The following AXDND1 variants were observed in gnomAD, a reference collection of about 807,000 sequenced individuals.
The protein encoded by AXDND1 is axonemal dynein light chain domain-containing protein 1.
AXDND1 carries 110 observed loss-of-function variants against 137.5 expected under a neutral mutation model. That is an observed-to-expected ratio of 0.80 (90% confidence interval 0.69 to 0.94). AXDND1 has a LOEUF of 0.94. AXDND1 is among the 40% of genes least tolerant of loss of function. The pLI is 0.00. For missense variants in AXDND1, 1,191 were observed against 1,169.8 expected (o/e 1.02, Z -0.26); for synonymous variants, 414 against 399.7 (o/e 1.04, Z -0.43).
intron 12 of AXDND1, among the ~76,000 whole-genome samples, chr1:179,427,658 T>G (rs6425546): frequency 0.87 from 132,930 of 152,172 alleles, 58,165 homozygotes; most frequent in East Asian, 0.9. Flanking sequence ...TAAAAAAGAA[T>G]CAGCAATTAT....
intron 16 of AXDND1, chr1:179,448,390 T>C: frequency 1.6e-6 from 1 of 635,132 alleles, no homozygotes; most frequent in East Asian, 3.0e-5. Context: ...AAGTGGCCTC[T>C]CAGTTCCTTT....
intron 25 of AXDND1, chr1:179,544,375 T>C (rs1390007517): frequency 6.6e-6 from 1 of 152,094 alleles, no homozygotes; most frequent in African/African-American, 2.4e-5. Flanking sequence ...GTTTTTCAAT[T>C]TAAAAGAGAA....
chr1:179,522,056 A>G (rs1036107399), intron 21 of AXDND1, among the ~76,000 whole-genome samples: 78 of 152,098 alleles, frequency 5.1e-4, no homozygotes, highest in Middle Eastern at 3.4e-3. Context: ...GATCTGGAAA[A>G]TTCTCAGTCA....
intron 12 of AXDND1, among the ~76,000 whole-genome samples, chr1:179,421,965 G>A (rs549485116): frequency 3.3e-5 from 5 of 151,294 alleles, no homozygotes; most frequent in East Asian, 2.0e-4. Flanking sequence ...TCTTGAATCC[G>A]GGAGGCAGAG....
intron 12 of AXDND1, among the ~76,000 whole-genome samples, chr1:179,428,612 T>A (rs928170625): frequency 6.6e-6 from 1 of 152,260 alleles, no homozygotes; most frequent in Non-Finnish European, 1.5e-5. Context: ...ACTAAAATGT[T>A]GTTTGCCTTT....
chr1:179,529,676 T>C lies in AXDND1; in HGVS notation c.2715+1245T>C, dbSNP rs1403201816. 2.0e-5 allele frequency among the ~76,000 whole-genome samples: 3 copies of C among 152,148 alleles called. No homozygotes were observed. The East Asian group carries it at 5.8e-4, about 29-fold the overall frequency. On this transcript the variant is annotated intron_variant, in intron 23 of 25. Transcript: ENST00000367618. The stretch of plus-strand genomic sequence containing the variant: ...AATAAAGATGTTTCTTTTCAGACTT[T>C]GAAAGGCATCAGACTCTCAATCTCT...
chr1:179,554,319 G>T (rs772651090), intron 25 of AXDND1, among the ~76,000 whole-genome samples, 193 bp from the exon 26 acceptor site: 2 of 152,136 alleles, frequency 1.3e-5, no homozygotes, highest in Non-Finnish European at 2.9e-5. Context: ...TTGTGTTATG[G>T]CTGTAAGATA....
Position 179,423,958 on chromosome 1 carries a change from G to GT in AXDND1, c.1231-5551dup, listed in dbSNP as rs1038851577. Among the ~76,000 whole-genome samples, 64 of 151,024 alleles carry GT rather than the reference G, an allele frequency of 4.2e-4. 1 individual carries two copies. In the South Asian group the frequency reaches 0.01, roughly 24 times the overall value. On this transcript the variant is annotated intron_variant, in intron 12 of 25. Transcript: ENST00000367618. Reference sequence around the variant, plus strand: ...TACCAGTGGGTTTTATAGCTTCAAAGTTTTTTTTTACATGTTGGTGTTTTT... The same window carrying GT: ...TACCAGTGGGTTTTATAGCTTCAAAGTTTTTTTTTTACATGTTGGTGTTTTT...
chr1:179,390,240 C>G (rs1649937905), intron 9 of AXDND1, among the ~76,000 whole-genome samples: 3 of 152,166 alleles, frequency 2.0e-5, no homozygotes, highest in African/African-American at 7.2e-5. Context: ...TCTTGAACTC[C>G]TGGCCTCAAG....
chr1:179,391,998 C>A (rs1454615761), intron 9 of AXDND1, among the ~76,000 whole-genome samples: 5 of 152,162 alleles, frequency 3.3e-5, no homozygotes, highest in Admixed American at 1.3e-4. Flanking sequence ...TCAATTAAAT[C>A]TCTTTCCTTT....
rs1171223573 is a variant in AXDND1 at position 179,434,077 on chromosome 1, A to G, written c.1563+1735A>G. ...CATATTTAGGATAGTTAGCTCTTTC[A>G]TTGAATTGATCCCTTTACCATTATG... On this transcript the variant is annotated intron_variant, in intron 15 of 25. Transcript: ENST00000367618. 3.3e-5 allele frequency among the ~76,000 whole-genome samples: 5 copies of G among 152,084 alleles called. No homozygotes were observed. In the East Asian group the frequency reaches 9.6e-4, roughly 29 times the overall value.
At chr1:179,398,262 C>T (rs919225542) in intron 11 of AXDND1, among the ~76,000 whole-genome samples, 5 of 152,156 alleles carry the variant, frequency 3.3e-5, no homozygotes, top group East Asian at 3.9e-4. Context: ...AGGGGGCCAA[C>T]GCTCAGCTTC....
chr1:179,465,749 TTGAGC>T (rs1403157234), intron 16 of AXDND1, among the ~76,000 whole-genome samples: 7 of 152,220 alleles, frequency 4.6e-5, no homozygotes. Flanking sequence ...GTGGGCCTCC[TTGAGC>T]TGTGGTGGGC....
chr1:179,450,302 T>C (rs7527516), intron 16 of AXDND1: 116,788 of 152,128 alleles, frequency 0.77, 45,139 homozygotes, highest in South Asian at 0.83. Flanking sequence ...GCGTGAGCCA[T>C]GGTGGCCTGG....
At chr1:179,371,706 A>G (rs1668056018) in intron 4 of AXDND1, among the ~76,000 whole-genome samples, 1 of 152,164 alleles carries the variant, frequency 6.6e-6, no homozygotes, top group South Asian at 2.1e-4. Flanking sequence ...AAGGCAGTCA[A>G]GTGGGTCAGA....
intron 18 of AXDND1, among the ~76,000 whole-genome samples, chr1:179,487,832 C>CA (rs1376869886): frequency 1.4e-5 from 2 of 147,372 alleles, no homozygotes; most frequent in Admixed American, 1.3e-4. Flanking sequence ...CTCATCTCTA[C>CA]AAAAAATAAA....
At chr1:179,392,706 C>T (rs1397658036) in intron 9 of AXDND1, among the ~76,000 whole-genome samples, 2 of 152,102 alleles carry the variant, frequency 1.3e-5, no homozygotes, top group Non-Finnish European at 2.9e-5. Flanking sequence ...TTTTAAATTG[C>T]ATTTTCTTGA....
In AXDND1 at chr1:179,445,158, A is replaced by T. The variant is rs745713963; in HGVS notation, c.1752A>T (p.Ile584=). 1 of 1,610,434 alleles carries T rather than the reference A, an allele frequency of 6.2e-7. No individual in the cohort carries two copies. Among genetic ancestry groups the T allele is most frequent in the South Asian group, 1.1e-5 (1 of 90,402 alleles). Reference sequence around the variant, plus strand: ...ACATGGAGGAAATTATCAAAAACATACAAAAACTCTACAAAGAATATGAAA... The same window carrying T: ...ACATGGAGGAAATTATCAAAAACATTCAAAAACTCTACAAAGAATATGAAA... The part of the protein sequence containing the change: ...RQYMEEIIKN[I]QKLYKEYEIR... Residue 584 remains isoleucine, a synonymous_variant, in exon 16 of 26, where the codon ATA becomes ATT. Coordinates refer to ENST00000367618, the MANE Select transcript of AXDND1 (RefSeq NM_144696.6).
intron 16 of AXDND1, among the ~76,000 whole-genome samples, chr1:179,465,020 CT>C (rs201959702): frequency 0.17 from 25,487 of 151,906 alleles, 2,495 homozygotes; most frequent in East Asian, 0.35. Flanking sequence ...TTCATCTAAT[CT>C]TTTTTTCAAG....
Sources: gnomAD v4.1 joint callset for allele counts (sites outside exome capture counted in the v4.1 genomes callset) on GRCh38, gnomAD v4.1.1 for gene constraint, MANE v1.5 for transcripts, NCBI Gene and HGNC (gene_info 2026-07-23, HGNC 2026-07-21) for gene names.